The following DGKB variants were observed in gnomAD, a reference collection of about 807,000 sequenced individuals.
DGKB encodes diacylglycerol kinase beta, also known as 90 kDa diacylglycerol kinase.
A neutral mutation model predicts 114.3 loss-of-function variants in DGKB; 67 were observed. The ratio of observed to expected loss-of-function variants is 0.59; its 90% CI spans 0.48 to 0.72. The LOEUF (loss-of-function observed/expected upper bound fraction) is 0.72, where lower values mean the gene tolerates loss of function less well. Among genes scored for constraint, DGKB ranks in the 30% least tolerant of loss-of-function variants. The pLI is 0.00. For synonymous variants in DGKB, 398 were observed against 323.1 expected, an observed-to-expected ratio of 1.23 and a Z score of -2.49; for missense variants, 907 against 975.2, an observed-to-expected ratio of 0.93 and a Z score of 0.93.
chr7:14,197,161 GC>G (rs1257300511), intron 23 of DGKB, among the ~76,000 whole-genome samples: 2 of 151,940 alleles, frequency 1.3e-5, no homozygotes, highest in African/African-American at 4.8e-5. Context: ...TACAAACTTT[GC>G]CAATATATCT....
At chr7:14,565,785 T>C (rs982071512) in intron 20 of DGKB, among the ~76,000 whole-genome samples, 27 of 152,310 alleles carry the variant, frequency 1.8e-4, no homozygotes, top group African/African-American at 6.5e-4. Context: ...TAGAAGATAT[T>C]CTAGGATGGT....
At chr7:14,890,253 C>T (rs112405288) in intron 1 of DGKB, among the ~76,000 whole-genome samples, 2,270 of 151,472 alleles carry the variant, frequency 0.015, 26 homozygotes, top group Non-Finnish European at 0.025. Context: ...GAAAGAAATG[C>T]CAGATATTTA....
chr7:14,571,658 G>A (rs1004119476), intron 20 of DGKB, among the ~76,000 whole-genome samples: 5 of 152,180 alleles, frequency 3.3e-5, no homozygotes, highest in Non-Finnish European at 7.3e-5. Context: ...TTAAATGAGA[G>A]GTTTTGTACA....
chr7:14,904,959 A>T (rs1435499022), upstream of DGKB, among the ~76,000 whole-genome samples: 1 of 152,172 alleles, frequency 6.6e-6, no homozygotes, highest in Non-Finnish European at 1.5e-5. Flanking sequence ...CCTGCTCAAC[A>T]AATTCATCCC....
chr7:14,896,089 A>C (rs909666108), intron 1 of DGKB, among the ~76,000 whole-genome samples: 14 of 151,740 alleles, frequency 9.2e-5, no homozygotes, highest in African/African-American at 3.4e-4. Flanking sequence ...TTTGATCTAG[A>C]AACTAATAGG....
intron 21 of DGKB, among the ~76,000 whole-genome samples, chr7:14,419,906 C>T (rs1826397006): frequency 6.6e-6 from 1 of 151,952 alleles, no homozygotes; most frequent in African/African-American, 2.4e-5. Flanking sequence ...GATCAAAAAG[C>T]AAAATAGACA....
rs538191677 is a variant in DGKB at position 14,754,951 on chromosome 7, C to A, written c.148-1003G>T. On this transcript the variant is annotated intron_variant, in intron 3 of 25. Coordinates refer to ENST00000402815, the MANE Select transcript of DGKB (RefSeq NM_001350709.2). ...TGAAGTGAAGAGCACAGGGCATTAG[C>A]CTTAAACTGGGATTCTAGTCAATTA... Among the ~76,000 whole-genome samples, 18 of 152,162 alleles carry A rather than the reference C, an allele frequency of 1.2e-4. No homozygotes were observed. The South Asian group carries it at 1.9e-3, about 16-fold the overall frequency.
intron 1 of DGKB, among the ~76,000 whole-genome samples, chr7:14,866,297 A>T (rs556200235): frequency 5.3e-4 from 80 of 152,170 alleles, no homozygotes; most frequent in Admixed American, 2.4e-3. Flanking sequence ...TTACATTAGG[A>T]TCTCTCTTGC....
chr7:14,181,816 G>A (rs759140146), intron 23 of DGKB, among the ~76,000 whole-genome samples: 20 of 152,192 alleles, frequency 1.3e-4, no homozygotes, highest in Non-Finnish European at 2.5e-4. Context: ...GTACGTTTCT[G>A]AAAGCATTTA....
chr7:14,694,749 T>C (rs1191736886), intron 8 of DGKB, among the ~76,000 whole-genome samples: 1 of 151,342 alleles, frequency 6.6e-6, no homozygotes, highest in East Asian at 2.0e-4. Context: ...TGCAATACAT[T>C]TACCTCTCTG....
At chr7:14,685,457 G>T in intron 9 of DGKB, 95 bp from the exon 10 acceptor site, 2 of 865,256 alleles carry the variant, frequency 2.3e-6, no homozygotes, top group Non-Finnish European at 3.7e-6. Context: ...TGAAGCATGT[G>T]AAGACAATCT....
chr7:14,284,420 A>G (rs1766743890), intron 23 of DGKB, among the ~76,000 whole-genome samples: 2 of 145,026 alleles, frequency 1.4e-5, no homozygotes, highest in South Asian at 4.2e-4. Context: ...GTGGGACTGT[A>G]AACTAGTTCA....
intron 13 of DGKB, among the ~76,000 whole-genome samples, chr7:14,663,330 T>C (rs913057432): frequency 6.6e-6 from 1 of 152,040 alleles, no homozygotes; most frequent in African/African-American, 2.4e-5. Flanking sequence ...CATATGTTTA[T>C]AGGTGGTTTA....
At chr7:14,864,039 C>T (rs772398375) in intron 1 of DGKB, among the ~76,000 whole-genome samples, 11 of 148,448 alleles carry the variant, frequency 7.4e-5, no homozygotes, top group Non-Finnish European at 1.2e-4. Flanking sequence ...GCAGAGGTTG[C>T]GATCAGCCAA....
At chr7:14,291,252 C>T (rs977633145) in intron 23 of DGKB, among the ~76,000 whole-genome samples, 2 of 151,468 alleles carry the variant, frequency 1.3e-5, no homozygotes, top group South Asian at 4.2e-4. Context: ...CATGGTGCTA[C>T]CATTAAAGTA....
chr7:14,510,813 T>C (rs1050174509), intron 20 of DGKB, among the ~76,000 whole-genome samples: 12 of 152,354 alleles, frequency 7.9e-5, no homozygotes, highest in African/African-American at 2.9e-4. Context: ...GCAGAATGAA[T>C]GTTGTGTTAG....
At chr7:14,857,794 T>C (rs1437260244) in intron 1 of DGKB, among the ~76,000 whole-genome samples, 1 of 152,074 alleles carries the variant, frequency 6.6e-6, no homozygotes, top group South Asian at 2.1e-4. Flanking sequence ...TACTAGTTGG[T>C]GCCTTTTTTG....
chr7:14,249,621 A>G (rs138641213), intron 23 of DGKB, among the ~76,000 whole-genome samples: 11 of 152,254 alleles, frequency 7.2e-5, no homozygotes, highest in Non-Finnish European at 1.5e-4. Context: ...CTAATTTGTC[A>G]ACATATAATT....
At chr7:14,669,074 G>A (rs995003314) in intron 13 of DGKB, among the ~76,000 whole-genome samples, 1 of 152,096 alleles carries the variant, frequency 6.6e-6, no homozygotes, top group Non-Finnish European at 1.5e-5. Flanking sequence ...ACTTTCCTAG[G>A]TGACACAGGC....
Sources: gnomAD v4.1 joint callset for allele counts (sites outside exome capture counted in the v4.1 genomes callset) on GRCh38, gnomAD v4.1.1 for gene constraint, MANE v1.5 for transcripts, NCBI Gene and HGNC (gene_info 2026-07-23, HGNC 2026-07-21) for gene names.